NLGN1: variants seen among roughly 807,000 people sequenced by gnomAD.
NLGN1 encodes neuroligin 1.
NLGN1 carries 12 observed loss-of-function variants against 65.5 expected under a neutral mutation model. The ratio of observed to expected loss-of-function variants is 0.18; its 90% CI spans 0.12 to 0.30. The LOEUF is 0.30. NLGN1 is among the 10% of genes least tolerant of loss of function. NLGN1 has a pLI of 1.00. For missense variants in NLGN1, 750 were observed against 1,007.1 expected (o/e 0.74, Z 3.46); for synonymous variants, 350 against 359.5 (o/e 0.97, Z 0.30).
chr3:173,852,152 C>G (rs1727058100), intron 4 of NLGN1, among the ~76,000 whole-genome samples: 1 of 150,938 alleles, frequency 6.6e-6, no homozygotes, highest in Admixed American at 6.6e-5. Context: ...GTCAGGAGAT[C>G]GAGACCATCC....
chr3:173,560,782 A>AT (rs561674023), intron 2 of NLGN1, among the ~76,000 whole-genome samples: 1,953 of 152,266 alleles, frequency 0.013, 22 homozygotes, highest in Non-Finnish European at 0.02. Flanking sequence ...ATTTATATTT[A>AT]TTTTTCACAT....
intron 2 of NLGN1, among the ~76,000 whole-genome samples, chr3:173,569,897 G>C (rs753164256): frequency 6.6e-6 from 1 of 152,142 alleles, no homozygotes; most frequent in Non-Finnish European, 1.5e-5. Context: ...TTACTTAGCA[G>C]ATAGCATTCA....
intron 4 of NLGN1, among the ~76,000 whole-genome samples, chr3:173,812,168 C>T (rs970963696): frequency 1.3e-5 from 2 of 152,276 alleles, no homozygotes; most frequent in East Asian, 3.9e-4. Context: ...TGAATATTTA[C>T]ACCACCCGTC....
At position 173,654,706 on chromosome 3, in the gene NLGN1, C is replaced by T. The variant is rs371254486; in HGVS notation, c.493+49615C>T. Among the ~76,000 whole-genome samples, 3 of 152,122 alleles carry T rather than the reference C, an allele frequency of 2.0e-5. No individual in the cohort carries two copies. The South Asian group carries it at 6.2e-4, about 31-fold the overall frequency. On this transcript the variant is annotated intron_variant, in intron 3 of 6. Coordinates refer to ENST00000457714, the Ensembl canonical transcript of NLGN1. ...TGTTAGGATTGAAGAATTATGTATA[C>T]ATTTTGAAGCATTTTCCTTTTTTTT...
Position 174,279,145 on chromosome 3 carries a change from G to T in NLGN1, c.1144G>T (p.Asp382Tyr). The T allele has an allele frequency of 6.2e-7, 1 of 1,613,390 alleles. No homozygotes were observed. The highest frequency in any genetic ancestry group is 1.1e-5 in the South Asian group (1 of 91,066). Reference sequence around the variant, plus strand: ...GGAGCAAGGAGAGTTTCTCAACTATGATATAATGTTAGGAGTGAACCAAGG... The same window carrying T: ...GGAGCAAGGAGAGTTTCTCAACTATTATATAATGTTAGGAGTGAACCAAGG... Residue 382 changes from aspartate (D) to tyrosine (Y), a missense_variant, in exon 6 of 7, where the codon GAT (aspartate) becomes TAT (tyrosine). Asp to Tyr is a radical substitution (Grantham distance 160, BLOSUM62 -3). Transcript: ENST00000457714. This position sits in a 1 kb window ranked among gnomAD's most constrained non-coding sequence, Gnocchi z 4.7.
chr3:173,788,023 T>C (rs1711591490), intron 3 of NLGN1, among the ~76,000 whole-genome samples: 1 of 152,102 alleles, frequency 6.6e-6, no homozygotes, highest in African/African-American at 2.4e-5. Flanking sequence ...CTCTTTCTTA[T>C]TTTCCATAAA....
chr3:173,918,462 C>A (rs1447822091), intron 4 of NLGN1, among the ~76,000 whole-genome samples: 1 of 151,838 alleles, frequency 6.6e-6, no homozygotes, highest in Non-Finnish European at 1.5e-5. Flanking sequence ...TAGTGAAACT[C>A]TATCTACTAA....
chr3:173,700,272 G>C (rs1766928760), intron 3 of NLGN1, among the ~76,000 whole-genome samples: 1 of 151,984 alleles, frequency 6.6e-6, no homozygotes, highest in East Asian at 1.9e-4. Flanking sequence ...TCTGTTTCTT[G>C]GAAAAATATA....
At chr3:173,947,546 G>A (rs1041222788) in intron 4 of NLGN1, among the ~76,000 whole-genome samples, 1 of 152,098 alleles carries the variant, frequency 6.6e-6, no homozygotes, top group Non-Finnish European at 1.5e-5. Flanking sequence ...AAATAATTAC[G>A]CTTTTCTCAT....
exon 7 of NLGN1, chr3:174,283,406 G>T (rs914072752): frequency 6.6e-6 from 1 of 151,504 alleles, no homozygotes; most frequent in African/African-American, 2.4e-5. Context: ...TAGAAATAAA[G>T]TGCCAATTGT....
chr3:173,827,473 A>C (rs144469755), intron 4 of NLGN1, among the ~76,000 whole-genome samples: 1 of 151,994 alleles, frequency 6.6e-6, no homozygotes, highest in Non-Finnish European at 1.5e-5. Flanking sequence ...GGGTCAGTAC[A>C]TGCAGAAAAT....
At chr3:173,492,135 G>A (rs1171739740) in intron 2 of NLGN1, among the ~76,000 whole-genome samples, 1 of 151,734 alleles carries the variant, frequency 6.6e-6, no homozygotes. Context: ...TACATAAAAT[G>A]GTGAAATAAT....
intron 2 of NLGN1, among the ~76,000 whole-genome samples, chr3:173,495,697 A>C (rs1203170300): frequency 1.4e-5 from 2 of 145,760 alleles, no homozygotes; most frequent in African/African-American, 2.5e-5. Context: ...AAAAAAAAAA[A>C]CTCTATTGAG....
intron 2 of NLGN1, among the ~76,000 whole-genome samples, chr3:173,479,920 T>A (rs1358932604): frequency 6.6e-6 from 1 of 152,112 alleles, no homozygotes; most frequent in African/African-American, 2.4e-5. Flanking sequence ...GTTGTTAAAG[T>A]GAGAAGGATC....
chr3:174,278,547 T>C (rs1303159399), intron 5 of NLGN1, among the ~76,000 whole-genome samples: 1 of 151,922 alleles, frequency 6.6e-6, no homozygotes, highest in Non-Finnish European at 1.5e-5. Flanking sequence ...TATACGTATT[T>C]ACACACTCAT....
chr3:173,749,258 TG>T (rs1775979346), intron 3 of NLGN1, among the ~76,000 whole-genome samples: 1 of 152,090 alleles, frequency 6.6e-6, no homozygotes, highest in Admixed American at 6.6e-5. Context: ...AGATGATTTA[TG>T]GCCTGCTAGA....
intron 3 of NLGN1, among the ~76,000 whole-genome samples, chr3:173,705,934 A>T (rs556594057): frequency 3.9e-5 from 6 of 152,308 alleles, no homozygotes; most frequent in Admixed American, 3.3e-4. Flanking sequence ...AATTCTAAAT[A>T]AGGTTGAGAG....
intron 3 of NLGN1, among the ~76,000 whole-genome samples, chr3:173,747,220 TATATTTA>T (rs1433178018): frequency 1.3e-4 from 18 of 137,294 alleles, no homozygotes; most frequent in South Asian, 6.4e-4. Flanking sequence ...TTTAAGTATA[TATATTTA>T]AATATATATA....
chr3:173,572,921 T>C (rs1744879724), intron 2 of NLGN1, among the ~76,000 whole-genome samples: 1 of 152,148 alleles, frequency 6.6e-6, no homozygotes, highest in African/African-American at 2.4e-5. Flanking sequence ...TAATAACTTC[T>C]CCTGCCCTGT....
Sources: allele counts gnomAD v4.1 joint callset (sites outside exome capture counted in the v4.1 genomes callset), GRCh38; gene constraint gnomAD v4.1.1; non-coding constraint Gnocchi (gnomAD v3.1); transcripts MANE v1.5; gene names NCBI Gene and HGNC (gene_info 2026-07-23, HGNC 2026-07-21).